TBC1D22A: variants seen among roughly 807,000 people sequenced by gnomAD.
TBC1D22A encodes the protein TBC1 domain family member 22A.
In TBC1D22A, 38 loss-of-function variants were observed where a neutral mutation model predicts 60.2. The observed-to-expected ratio is 0.63, with a 90% CI of 0.49 to 0.83. The LOEUF (loss-of-function observed/expected upper bound fraction) is 0.83. Ranked by LOEUF, TBC1D22A falls within the 40% of genes least tolerant of loss-of-function variation. TBC1D22A has a pLI of 0.00. For missense variants in TBC1D22A, 628 were observed against 701.0 expected, an observed-to-expected ratio of 0.90 and a Z score of 1.18; for synonymous variants, 302 against 281.7, an observed-to-expected ratio of 1.07 and a Z score of -0.72.
At chr22:47,138,094 C>T (rs943476958) in intron 12 of TBC1D22A, among the ~76,000 whole-genome samples, 10 of 152,144 alleles carry the variant, frequency 6.6e-5, no homozygotes, top group African/African-American at 1.2e-4. Flanking sequence ...CCAGAGGCTC[C>T]GGCACTCATG....
intron 4 of TBC1D22A, among the ~76,000 whole-genome samples, chr22:46,800,934 C>G (rs1183003273): frequency 6.6e-6 from 1 of 152,090 alleles, no homozygotes; most frequent in East Asian, 1.9e-4. Context: ...TGATGGGAAC[C>G]CTGTGCTGGG....
At chr22:47,001,295 CTTTCT>C (rs1170477931) in intron 10 of TBC1D22A, among the ~76,000 whole-genome samples, 8 of 97,778 alleles carry the variant, frequency 8.2e-5, no homozygotes, top group South Asian at 4.1e-4. Context: ...TTTTTTCTTT[CTTTCT>C]TTTTTTTTTT....
intron 3 of TBC1D22A, among the ~76,000 whole-genome samples, chr22:46,794,544 G>C (rs1217937856): frequency 6.6e-6 from 1 of 152,324 alleles, no homozygotes; most frequent in South Asian, 2.1e-4. Context: ...TGTGGGCCGC[G>C]GGTACTGTTT....
intron 8 of TBC1D22A, among the ~76,000 whole-genome samples, chr22:46,945,987 A>AG (rs369850987): frequency 1.3e-5 from 2 of 152,208 alleles, no homozygotes; most frequent in African/African-American, 4.8e-5. Flanking sequence ...CTGAAACAAC[A>AG]GTGACATTCT....
intron 8 of TBC1D22A, among the ~76,000 whole-genome samples, chr22:46,971,106 G>A (rs541566370): frequency 2.5e-4 from 38 of 152,274 alleles, no homozygotes; most frequent in African/African-American, 8.4e-4. Flanking sequence ...ATCACCACGG[G>A]GGCTCTCTGA....
At chr22:46,866,245 C>T (rs1350309008) in intron 4 of TBC1D22A, among the ~76,000 whole-genome samples, 3 of 152,222 alleles carry the variant, frequency 2.0e-5, no homozygotes, top group Non-Finnish European at 4.4e-5. Flanking sequence ...GCTGGGACTA[C>T]AGGCGTGTGC....
chr22:46,978,474 T>C (rs2074390269), intron 9 of TBC1D22A, among the ~76,000 whole-genome samples: 1 of 152,238 alleles, frequency 6.6e-6, no homozygotes, highest in Non-Finnish European at 1.5e-5. Flanking sequence ...TAAATCTCCT[T>C]AATGTCTAAC....
At chr22:46,769,037 T>G (rs933911493) in intron 1 of TBC1D22A, among the ~76,000 whole-genome samples, 6 of 136,856 alleles carry the variant, frequency 4.4e-5, no homozygotes, top group African/African-American at 1.7e-4. Flanking sequence ...GAGGTTGCAG[T>G]GAGCTGAGAT....
At chr22:46,977,663 C>T (rs930033806) in intron 9 of TBC1D22A, among the ~76,000 whole-genome samples, 4 of 152,146 alleles carry the variant, frequency 2.6e-5, no homozygotes, top group Admixed American at 1.3e-4. Flanking sequence ...TTAATTAGCT[C>T]ACAGTTCCAC....
chr22:47,003,233 A>C (rs118145858), intron 10 of TBC1D22A, among the ~76,000 whole-genome samples: 1 of 152,218 alleles, frequency 6.6e-6, no homozygotes, highest in Non-Finnish European at 1.5e-5. Context: ...TTCTGTATTT[A>C]TCTGGTAATC....
intron 4 of TBC1D22A, among the ~76,000 whole-genome samples, chr22:46,801,935 G>C (rs1004376145): frequency 6.6e-6 from 1 of 152,248 alleles, no homozygotes; most frequent in Non-Finnish European, 1.5e-5. Context: ...GCACTAATAC[G>C]AGTAGATGCC....
chr22:46,873,882 C>T lies in TBC1D22A; in HGVS notation c.638-4771C>T, dbSNP rs2067409617. ...CACGATCTCAGCTCACTACAAGCTC[C>T]ACCTCCCGGGTTCACACCATTCTTC... On this transcript the variant is annotated intron_variant, in intron 4 of 12. Coordinates refer to ENST00000337137, the MANE Select transcript of TBC1D22A (RefSeq NM_014346.5). Among the ~76,000 whole-genome samples the T allele has an allele frequency of 2.0e-5, 3 of 152,210 alleles. No individual in the cohort carries two copies. The South Asian group carries it at 6.2e-4, about 32-fold the overall frequency.
chr22:47,116,025 G>A (rs374932294), intron 12 of TBC1D22A: 2 of 152,240 alleles, frequency 1.3e-5, no homozygotes, highest in East Asian at 3.9e-4. Context: ...GGCTTCCCAG[G>A]GGACTGGGGG....
chr22:47,025,794 G>C (rs1289003536), intron 10 of TBC1D22A, among the ~76,000 whole-genome samples: 2 of 152,202 alleles, frequency 1.3e-5, no homozygotes, highest in Non-Finnish European at 2.9e-5. Context: ...GCCATGCTTA[G>C]AGGGAATCAT....
At chr22:46,933,960 G>C (rs779165952) in intron 8 of TBC1D22A, among the ~76,000 whole-genome samples, 1 of 152,190 alleles carries the variant, frequency 6.6e-6, no homozygotes, top group African/African-American at 2.4e-5. Flanking sequence ...TTTCACACTT[G>C]AGAAAGCTGG....
intron 8 of TBC1D22A, among the ~76,000 whole-genome samples, chr22:46,936,933 C>CT (rs2071689782): frequency 6.6e-6 from 1 of 152,180 alleles, no homozygotes; most frequent in African/African-American, 2.4e-5. Flanking sequence ...TTCAAAATCT[C>CT]TAAGTGTACA....
intron 11 of TBC1D22A, among the ~76,000 whole-genome samples, chr22:47,065,707 G>T (rs1396851161): frequency 2.2e-5 from 1 of 46,394 alleles, no homozygotes; most frequent in African/African-American, 1.2e-4. Flanking sequence ...ACTTGAGGAA[G>T]CTGCAAAGTT....
intron 4 of TBC1D22A, among the ~76,000 whole-genome samples, chr22:46,815,895 G>A (rs192695325): frequency 3.3e-5 from 5 of 152,238 alleles, no homozygotes; most frequent in Admixed American, 2.0e-4. Flanking sequence ...CTGGTGGGTC[G>A]GGGGTGAGTG....
At chr22:47,033,188 C>T (rs1037711822) in intron 10 of TBC1D22A, among the ~76,000 whole-genome samples, 2 of 152,194 alleles carry the variant, frequency 1.3e-5, no homozygotes, top group Non-Finnish European at 2.9e-5. Context: ...TTCCACCCTC[C>T]GAGGGGCATG....
Sources: allele counts gnomAD v4.1 joint callset (sites outside exome capture counted in the v4.1 genomes callset), GRCh38; gene constraint gnomAD v4.1.1; transcripts MANE v1.5; gene names NCBI Gene and HGNC (gene_info 2026-07-23, HGNC 2026-07-21).